KIF16B: variants seen among roughly 807,000 people sequenced by gnomAD.
The protein encoded by KIF16B is kinesin-like protein KIF16B.
KIF16B carries 98 observed loss-of-function variants against 156.3 expected under a neutral mutation model. That is an observed-to-expected ratio of 0.63 (90% CI 0.53 to 0.74). The LOEUF (loss-of-function observed/expected upper bound fraction) is 0.74. KIF16B is among the 30% of genes least tolerant of loss of function. KIF16B has a pLI of 0.00. For synonymous variants in KIF16B, 564 were observed against 583.7 expected (o/e 0.97, Z 0.49); for missense variants, 1,421 against 1,606.5 (o/e 0.88, Z 1.97).
intron 3 of KIF16B, among the ~76,000 whole-genome samples, chr20:16,523,480 A>G (rs937271615): frequency 6.6e-6 from 1 of 152,194 alleles, no homozygotes; most frequent in African/African-American, 2.4e-5. Flanking sequence ...CTTACAAGGG[A>G]TGTGAAGGAC....
intron 12 of KIF16B, among the ~76,000 whole-genome samples, chr20:16,454,088 T>C (rs979373445): frequency 1.3e-5 from 2 of 152,118 alleles, no homozygotes; most frequent in African/African-American, 2.4e-5. Context: ...ATCTACATAA[T>C]AATGTACCGT....
At chr20:16,356,285 T>G (rs759225997) in intron 23 of KIF16B, 45 bp downstream of exon 23, 1 of 1,612,008 alleles carries the variant, frequency 6.2e-7, no homozygotes, top group East Asian at 2.2e-5. Flanking sequence ...AAGCACTGCA[T>G]AGTCTCCAAC....
intron 22 of KIF16B, chr20:16,367,405 A>G (rs532335222): frequency 6.2e-7 from 1 of 1,612,886 alleles, no homozygotes; most frequent in South Asian, 1.1e-5. Flanking sequence ...GAATTCACTT[A>G]AAGCATGGCA....
intron 25 of KIF16B, among the ~76,000 whole-genome samples, chr20:16,275,773 A>C (rs2063051804): frequency 6.6e-6 from 1 of 152,210 alleles, no homozygotes; most frequent in African/African-American, 2.4e-5. Context: ...AGAGGGGCAA[A>C]GAGAGACCTG....
chr20:16,541,511 G>GTGAAATA (rs1167716719), intron 1 of KIF16B, among the ~76,000 whole-genome samples: 1 of 152,232 alleles, frequency 6.6e-6, no homozygotes. Flanking sequence ...CCCATGCTAA[G>GTGAAATA]TGAAATCCTC....
rs151049452 is a variant in KIF16B at position 16,560,465 on chromosome 20, C to T, written c.47+12764G>A. 2.4e-3 allele frequency among the ~76,000 whole-genome samples: 365 copies of T among 152,272 alleles called. 2 individuals carry two copies. Among genetic ancestry groups the T allele is most frequent in the African/African-American group, 8.6e-3 (356 of 41,542 alleles). ...CCCCTGGGGCAAAGGACACCAAGTT[C>T]CTGAGAGCAGGCATCCCATGGAGGG... On this transcript the variant is annotated intron_variant, in intron 1 of 25. Transcript: ENST00000354981.
chr20:16,315,917 A>C (rs542793780), intron 24 of KIF16B, among the ~76,000 whole-genome samples: 35 of 152,304 alleles, frequency 2.3e-4, no homozygotes, highest in African/African-American at 8.2e-4. Context: ...CAAAGAAGAA[A>C]GCCAAGGCCA....
intron 22 of KIF16B, among the ~76,000 whole-genome samples, chr20:16,356,918 C>A (rs1393354547): frequency 6.6e-6 from 1 of 152,166 alleles, no homozygotes; most frequent in Non-Finnish European, 1.5e-5. Flanking sequence ...AACTTTTAGG[C>A]ATTTTTATAA....
chr20:16,508,024 G>A lies in KIF16B; in HGVS notation c.633C>T (p.Thr211=), dbSNP rs140728844. The A allele has an allele frequency of 1.4e-5, 22 of 1,613,984 alleles. No homozygotes were observed. Among genetic ancestry groups the A allele is most frequent in the Middle Eastern group, 1.6e-4 (1 of 6,084 alleles). The change falls in exon 7 of 26, where the codon ACC becomes ACT. Residue 211 remains threonine, a synonymous_variant. Coordinates refer to ENST00000354981, the MANE Select transcript of KIF16B (RefSeq NM_024704.5). ...LMDAGNINRT[T]AATGMNDVSS... ...TGACGTCGTTCATCCCAGTCGCTGC[G>A]GTGGTCCGGTTGATATTGCCCGCAT...
rs369549554 is a variant in KIF16B at position 16,273,372 on chromosome 20, C to T, written c.3835G>A (p.Ala1279Thr). ...RDFFSVMLQS[A>T]TSPLHINKVG... ...TTGTTGATGTGGAGGGGAGATGTTG[C>T]GGACTGGAGCATCACGCTGAAAAAG... The change falls in exon 26 of 26, where the codon GCA becomes ACA. Residue 1279 changes from alanine to threonine, a missense_variant. By Grantham distance (58) the Ala-to-Thr change is moderately conservative (BLOSUM62 0). Transcript: ENST00000354981. 128 of 1,613,682 alleles carry T rather than the reference C, an allele frequency of 7.9e-5. No homozygotes were observed. Among genetic ancestry groups the T allele is most frequent in the Non-Finnish European group, 8.9e-5 (105 of 1,179,838 alleles).
chr20:16,398,619 T>C (rs768336749), intron 17 of KIF16B, among the ~76,000 whole-genome samples: 2 of 152,184 alleles, frequency 1.3e-5, no homozygotes, highest in Admixed American at 6.5e-5. Flanking sequence ...AAAAAATCTG[T>C]CCTACATGTT....
intron 1 of KIF16B, among the ~76,000 whole-genome samples, chr20:16,552,080 C>A (rs921624883): frequency 2.0e-5 from 3 of 152,242 alleles, no homozygotes; most frequent in African/African-American, 7.2e-5. Flanking sequence ...TCAAGCATCA[C>A]TCTTCCACTC....
chr20:16,530,275 T>G lies in KIF16B; in HGVS notation c.48-1835A>C, dbSNP rs568572027. Among the ~76,000 whole-genome samples the G allele has an allele frequency of 2.0e-5, 3 of 152,306 alleles. No individual in the cohort carries two copies. In the East Asian group the frequency reaches 5.8e-4, roughly 29 times the overall value. On this transcript the variant is annotated intron_variant, in intron 1 of 25. Transcript: ENST00000354981. ...ACTCACACCCTGTCGTGTGCGATCC[T>G]TGCCCTTGACTATGGGCTGGACCTG...
chr20:16,414,805 A>G (rs2066046200), intron 15 of KIF16B, among the ~76,000 whole-genome samples: 1 of 152,170 alleles, frequency 6.6e-6, no homozygotes, highest in South Asian at 2.1e-4. Flanking sequence ...AAAAGAGCAC[A>G]GACATCCCCA....
intron 12 of KIF16B, among the ~76,000 whole-genome samples, chr20:16,476,407 T>C (rs1211401340): frequency 6.6e-6 from 1 of 152,246 alleles, no homozygotes; most frequent in East Asian, 1.9e-4. Context: ...AATAGTTTTG[T>C]TTTAAATGCA....
intron 12 of KIF16B, among the ~76,000 whole-genome samples, chr20:16,486,158 T>C (rs1337722019): frequency 6.6e-6 from 1 of 152,172 alleles, no homozygotes; most frequent in Non-Finnish European, 1.5e-5. Flanking sequence ...AAAAGTCTTC[T>C]AGCACTTCTA....
intron 1 of KIF16B, among the ~76,000 whole-genome samples, chr20:16,548,069 C>T (rs1360673680): frequency 2.0e-5 from 3 of 152,318 alleles, no homozygotes; most frequent in South Asian, 2.1e-4. Flanking sequence ...CAATTAGTGG[C>T]TTATCCCATA....
intron 14 of KIF16B, among the ~76,000 whole-genome samples, 157 bp downstream of exon 14, chr20:16,428,796 T>C (rs191039167): frequency 6.6e-6 from 1 of 152,278 alleles, no homozygotes; most frequent in East Asian, 1.9e-4. Context: ...CAAAAATATA[T>C]ATACACACAT....
chr20:16,440,109 G>T (rs6034477), intron 12 of KIF16B, among the ~76,000 whole-genome samples: 73,055 of 151,962 alleles, frequency 0.48, 18,438 homozygotes, highest in African/African-American at 0.64. Flanking sequence ...TAGTTTATTT[G>T]CTGTCTGTCC....
Sources: allele counts gnomAD v4.1 joint callset (sites outside exome capture counted in the v4.1 genomes callset), GRCh38; gene constraint gnomAD v4.1.1; transcripts MANE v1.5; gene names NCBI Gene and HGNC (gene_info 2026-07-23, HGNC 2026-07-21).